RTL4: variants seen among roughly 807,000 people sequenced by gnomAD.
The protein encoded by RTL4 is retrotransposon Gag like 4.
In RTL4, 4 loss-of-function variants were observed where a neutral mutation model predicts 5.3. The ratio of observed to expected loss-of-function variants is 0.75; its 90% confidence interval spans 0.37 to 1.72. The LOEUF is 1.72. RTL4 is among the 40% of genes most tolerant of loss of function. The pLI is 0.04. For missense variants in RTL4, 260 were observed against 227.1 expected, an observed-to-expected ratio of 1.14 and a Z score of -0.93; for synonymous variants, 98 against 87.3, an observed-to-expected ratio of 1.12 and a Z score of -0.68.
chrX:112,180,717 T>C, the RTL4 span, among the ~76,000 whole-genome samples: 2 of 111,760 alleles, frequency 1.8e-5, no homozygotes, highest in Admixed American at 9.5e-5. Flanking sequence ...GAATACCTTT[T>C]CCCCCCAGTT....
the RTL4 span, among the ~76,000 whole-genome samples, chrX:112,307,809 T>G: frequency 1.8e-5 from 2 of 111,960 alleles, no homozygotes; most frequent in African/African-American, 6.5e-5. Flanking sequence ...TTATTTTTCC[T>G]TCTCTCAACA....
At chrX:112,335,305 T>A in the RTL4 span, among the ~76,000 whole-genome samples, 2 of 111,545 alleles carry the variant, frequency 1.8e-5, no homozygotes, top group Non-Finnish European at 3.8e-5. Flanking sequence ...ACTCTTCTGT[T>A]TTTTGGCTTT....
chrX:112,176,976 C>T, the RTL4 span, among the ~76,000 whole-genome samples: 1 of 110,698 alleles, frequency 9.0e-6, no homozygotes, highest in African/African-American at 3.3e-5. Context: ...ACATCCAGTT[C>T]CATCCATGTT....
the RTL4 span, among the ~76,000 whole-genome samples, chrX:112,307,228 T>A: frequency 8.9e-6 from 1 of 112,033 alleles, no homozygotes; most frequent in Admixed American, 9.5e-5. Flanking sequence ...ACATGCAATA[T>A]CTCATTTAAT....
At chrX:112,245,991 C>T in the RTL4 span, among the ~76,000 whole-genome samples, 1 of 112,444 alleles carries the variant, frequency 8.9e-6, no homozygotes, top group Non-Finnish European at 1.9e-5. Context: ...GCTGGAGGTC[C>T]ACTCCAGACC....
chrX:112,207,459 A>G, the RTL4 span, among the ~76,000 whole-genome samples: 1 of 111,843 alleles, frequency 8.9e-6, no homozygotes, highest in Non-Finnish European at 1.9e-5. Flanking sequence ...TTCAGGCTGA[A>G]AAATTTGTTT....
the RTL4 span, among the ~76,000 whole-genome samples, chrX:112,115,989 C>T: frequency 3.7e-3 from 416 of 111,806 alleles, 1 homozygote; most frequent in African/African-American, 0.013. Context: ...CTTTCCTCTC[C>T]GTTGACCTTT....
the RTL4 span, among the ~76,000 whole-genome samples, chrX:112,173,235 T>C: frequency 9.0e-6 from 1 of 111,424 alleles, no homozygotes; most frequent in Non-Finnish European, 1.9e-5. Context: ...CAGGGTAATA[T>C]TGGGAAAAAA....
At chrX:112,144,376 A>C in the RTL4 span, among the ~76,000 whole-genome samples, 2 of 111,711 alleles carry the variant, frequency 1.8e-5, no homozygotes, top group African/African-American at 6.5e-5. Flanking sequence ...GCTCGTTAAA[A>C]CACAAATTGC....
At chrX:112,103,562 T>G in the RTL4 span, among the ~76,000 whole-genome samples, 2 of 109,287 alleles carry the variant, frequency 1.8e-5, no homozygotes, top group Non-Finnish European at 3.8e-5. Context: ...ATCCTACACA[T>G]GTACCCTGGA....
chrX:112,395,855 C>G, the RTL4 span, among the ~76,000 whole-genome samples: 42 of 111,264 alleles, frequency 3.8e-4, no homozygotes, highest in Middle Eastern at 4.7e-3. Context: ...TAACCCAATA[C>G]AAAAGTCAAA....
At chrX:112,239,463 G>C in the RTL4 span, among the ~76,000 whole-genome samples, 38 of 111,876 alleles carry the variant, frequency 3.4e-4, no homozygotes, top group East Asian at 0.01. Context: ...GGCAGAACAA[G>C]TGGGAATTCT....
the RTL4 span, among the ~76,000 whole-genome samples, chrX:112,277,895 T>C: frequency 8.9e-6 from 1 of 111,925 alleles, no homozygotes; most frequent in Admixed American, 9.5e-5. Flanking sequence ...TCCTTCTAGA[T>C]TCTGTTCAGA....
At chrX:112,223,089 C>A in the RTL4 span, among the ~76,000 whole-genome samples, 1 of 112,122 alleles carries the variant, frequency 8.9e-6, no homozygotes, top group Non-Finnish European at 1.9e-5. Context: ...GGAAGAAGGG[C>A]CAGGAGATCA....
chrX:112,328,838 C>T, the RTL4 span, among the ~76,000 whole-genome samples: 2 of 112,006 alleles, frequency 1.8e-5, no homozygotes, highest in African/African-American at 6.5e-5. Context: ...CAAACTAGAA[C>T]TCAGGATTAA....
At chrX:112,143,119 G>A in the RTL4 span, among the ~76,000 whole-genome samples, 15 of 111,360 alleles carry the variant, frequency 1.3e-4, no homozygotes, top group African/African-American at 2.3e-4. Flanking sequence ...GTGAGCCACC[G>A]CACCCGGCCT....
chrX:112,374,692 C>T, the RTL4 span, among the ~76,000 whole-genome samples: 40 of 112,027 alleles, frequency 3.6e-4, no homozygotes, highest in African/African-American at 1.3e-3. Context: ...TGTGTAGACA[C>T]CTTGCACATC....
At chrX:112,238,507 A>G in the RTL4 span, among the ~76,000 whole-genome samples, 1 of 111,294 alleles carries the variant, frequency 9.0e-6, no homozygotes. Context: ...CTGCTATTAC[A>G]AAGAGTGCTG....
chrX:112,455,131 T>C, exon 1 of RTL4: 1 of 1,211,844 alleles, frequency 8.3e-7, no homozygotes, highest in Non-Finnish European at 1.1e-6. Flanking sequence ...GTTCCAGCAG[T>C]CATTTGGTAA....
Sources: gnomAD v4.1 joint callset for allele counts (sites outside exome capture counted in the v4.1 genomes callset) on GRCh38, gnomAD v4.1.1 for gene constraint, MANE v1.5 for transcripts, NCBI Gene and HGNC (gene_info 2026-07-23, HGNC 2026-07-21) for gene names.